The following PFKFB3 variants were observed in gnomAD, a reference collection of about 807,000 sequenced individuals.
The protein encoded by PFKFB3 is 6-phosphofructo-2-kinase/fructose-2,6-bisphosphatase 3.
A neutral mutation model predicts 68.0 loss-of-function variants in PFKFB3; 33 were observed. The observed-to-expected ratio is 0.49, with a 90% CI of 0.37 to 0.65. The LOEUF (loss-of-function observed/expected upper bound fraction) is 0.65, where lower values mean the gene tolerates loss of function less well. Among genes scored for constraint, PFKFB3 ranks in the 30% least tolerant of loss-of-function variants. The pLI, the probability that PFKFB3 is intolerant of heterozygous loss-of-function variation, is 0.00. For missense variants in PFKFB3, 586 were observed against 712.2 expected (o/e 0.82, Z 2.02); for synonymous variants, 315 against 288.2 (o/e 1.09, Z -0.94).
chr10:6,219,809 G>GTT, intron 7 of PFKFB3, 116 bp downstream of exon 7: 5 of 1,083,730 alleles, frequency 4.6e-6, no homozygotes, highest in Non-Finnish European at 6.6e-6. Flanking sequence ...TTTTAAGACA[G>GTT]TTTTTTTTGT....
chr10:6,322,940 G>C, the PFKFB3 span, among the ~76,000 whole-genome samples: 1 of 152,096 alleles, frequency 6.6e-6, no homozygotes, highest in Non-Finnish European at 1.5e-5. Flanking sequence ...AGTTCCATGG[G>C]GACAGACCCT....
In PFKFB3 at chr10:6,221,655, G is replaced by A; in HGVS notation, c.993G>A (p.Glu331=). 2 of 1,610,816 alleles carry A rather than the reference G, an allele frequency of 1.2e-6. No homozygotes were observed. Among genetic ancestry groups the A allele is most frequent in the Non-Finnish European group, 1.7e-6 (2 of 1,178,892 alleles). The change falls in exon 10 of 15, where the codon GAG becomes GAA. Residue 331 remains glutamate, a synonymous_variant. Transcript: ENST00000379775. ...GGTCCCCGCAGGGCGTCTGTGAGGA[G>A]CTGACCTACGAGGAGATCAGGGACA... is the stretch of plus-strand genomic sequence containing the variant. ...LNEIDAGVCE[E]LTYEEIRDTY...
At chr10:6,171,790 TAGAAAAGTTTGGATATCAGATC>T (rs906887050) in intron 1 of PFKFB3, among the ~76,000 whole-genome samples, 2 of 152,074 alleles carry the variant, frequency 1.3e-5, no homozygotes, top group Non-Finnish European at 2.9e-5. Flanking sequence ...TTGTTGGGGG[TAGAAAAGTTTGGATATCAGATC>T]AGAAAAGTTT....
At chr10:6,266,833 C>T in the PFKFB3 span, among the ~76,000 whole-genome samples, 3 of 152,352 alleles carry the variant, frequency 2.0e-5, no homozygotes, top group South Asian at 6.2e-4. Context: ...CCCTGCCAAA[C>T]CTGGGGCCCC....
chr10:6,220,544 G>T lies in PFKFB3; in HGVS notation c.624-114G>T. 1.1e-6 allele frequency: 1 copy of T among 874,348 alleles called. No individual in the cohort carries two copies. Among genetic ancestry groups the T allele is most frequent in the Non-Finnish European group, 1.8e-6 (1 of 542,112 alleles). 54.2% of individuals were successfully genotyped at this position (874,348 alleles called of 1,614,324 possible). ...AAGGATTCAGTCTGTGCCCTGGAGG[G>T]GCCTACGGTCCCGCCTTGCTGTTCT... is the stretch of plus-strand genomic sequence containing the variant. On this transcript the variant is annotated intron_variant, in intron 7 of 14. Coordinates refer to ENST00000379775, the MANE Select transcript of PFKFB3 (RefSeq NM_004566.4). The surrounding 1 kb of genome is among the most constrained non-coding windows in gnomAD (Gnocchi z 4.1).
chr10:6,296,508 G>A, the PFKFB3 span, among the ~76,000 whole-genome samples: 1 of 152,198 alleles, frequency 6.6e-6, no homozygotes, highest in African/African-American at 2.4e-5. Flanking sequence ...CATAGGCAGA[G>A]CAGCGGTGTG....
intron 1 of PFKFB3, among the ~76,000 whole-genome samples, chr10:6,176,132 A>G (rs542549721): frequency 6.6e-6 from 1 of 152,370 alleles, no homozygotes; most frequent in East Asian, 1.9e-4. Flanking sequence ...AGAAGGATGA[A>G]GAAGAACCAG....
chr10:6,320,935 C>G, the PFKFB3 span, among the ~76,000 whole-genome samples: 3 of 152,264 alleles, frequency 2.0e-5, no homozygotes, highest in South Asian at 6.2e-4. Flanking sequence ...GAATTTCTGC[C>G]CAGTTCTAAA....
At chr10:6,146,939 T>A (rs1720967415) in intron 1 of PFKFB3, among the ~76,000 whole-genome samples, 1 of 152,168 alleles carries the variant, frequency 6.6e-6, no homozygotes, top group South Asian at 2.1e-4. Flanking sequence ...GGTCCCAGAG[T>A]GTAAGAAACT....
Position 6,228,305 on chromosome 10 carries a change from A to T in PFKFB3, c.1515+1940A>T. 6.8e-7 allele frequency: 1 copy of T among 1,476,908 alleles called. No individual in the cohort carries two copies. The highest frequency in any genetic ancestry group is 9.5e-7 in the Non-Finnish European group (1 of 1,057,340). 91.5% of individuals were successfully genotyped at this position (1,476,908 alleles called of 1,614,324 possible). On this transcript the variant is annotated intron_variant, in intron 14 of 14. Transcript: ENST00000379775. This position sits in a 1 kb window ranked among gnomAD's most constrained non-coding sequence, Gnocchi z 4.5. The stretch of plus-strand genomic sequence containing the variant: ...CCTCCTGCCTGTTAAAATATTGAGG[A>T]TGAGAGCAGTTTTGTGATGTGAGGT...
intron 1 of PFKFB3, among the ~76,000 whole-genome samples, chr10:6,152,746 A>G (rs1841634087): frequency 6.6e-6 from 1 of 151,358 alleles, no homozygotes; most frequent in Admixed American, 6.6e-5. Context: ...CTAGGTGTGG[A>G]GGCATGTGCC....
chr10:6,151,752 A>G (rs542291413), intron 1 of PFKFB3, among the ~76,000 whole-genome samples: 1 of 152,298 alleles, frequency 6.6e-6, no homozygotes, highest in East Asian at 1.9e-4. Flanking sequence ...TGGACTTTCA[A>G]AAGGAAGTGA....
intron 14 of PFKFB3, chr10:6,254,159 T>C: frequency 2.5e-6 from 1 of 393,878 alleles, no homozygotes. Context: ...TAATCCACAA[T>C]GTACTCCTTC....
chr10:6,319,866 ATC>A, the PFKFB3 span, among the ~76,000 whole-genome samples: 1 of 152,192 alleles, frequency 6.6e-6, no homozygotes, highest in Non-Finnish European at 1.5e-5. Flanking sequence ...ACAACAAAAC[ATC>A]TTGTTAAAGG....
the PFKFB3 span, among the ~76,000 whole-genome samples, chr10:6,291,161 A>G: frequency 7.2e-5 from 11 of 152,358 alleles, no homozygotes; most frequent in African/African-American, 2.6e-4. Context: ...TACTAGAAAA[A>G]TATTCTAAAA....
chr10:6,237,380 GA>G (rs796768039), downstream of PFKFB3, among the ~76,000 whole-genome samples: 24 of 152,316 alleles, frequency 1.6e-4, no homozygotes, highest in African/African-American at 5.8e-4. Context: ...AGACCCAGAT[GA>G]TGTGCTGGTG....
At chr10:6,272,914 A>C in the PFKFB3 span, among the ~76,000 whole-genome samples, 1 of 151,988 alleles carries the variant, frequency 6.6e-6, no homozygotes, top group African/African-American at 2.4e-5. Context: ...AGAAAGTCTC[A>C]GAGGAAAATA....
chr10:6,160,086 A>G (rs921319217), intron 1 of PFKFB3, among the ~76,000 whole-genome samples: 1 of 152,194 alleles, frequency 6.6e-6, no homozygotes, highest in African/African-American at 2.4e-5. Context: ...TAAAATTAAA[A>G]CAACTAAAAC....
At chr10:6,302,375 T>G in the PFKFB3 span, among the ~76,000 whole-genome samples, 1,128 of 101,340 alleles carry the variant, frequency 0.011, 26 homozygotes, top group African/African-American at 0.04. Context: ...TTTTTTTTTT[T>G]TTTTTTTTTT....
Sources: allele counts gnomAD v4.1 joint callset (sites outside exome capture counted in the v4.1 genomes callset), GRCh38; gene constraint gnomAD v4.1.1; non-coding constraint Gnocchi (gnomAD v3.1); transcripts MANE v1.5; gene names NCBI Gene and HGNC (gene_info 2026-07-23, HGNC 2026-07-21).